Variants in FBXO38 observed in about 807,000 individuals in gnomAD.
FBXO38 encodes F-box protein 38, also known as F-box only protein 38.
In FBXO38, 53 loss-of-function variants were observed where a neutral mutation model predicts 131.9. The ratio of observed to expected loss-of-function variants is 0.40; its 90% CI spans 0.32 to 0.51. The LOEUF is 0.51. Among genes scored for constraint, FBXO38 ranks in the 20% least tolerant of loss-of-function variants. The pLI is 0.53. For missense variants in FBXO38, 1,076 were observed against 1,475.6 expected (o/e 0.73, Z 4.44); for synonymous variants, 452 against 505.6 (o/e 0.89, Z 1.42).
Position 148,417,050 on chromosome 5 carries a change from T to C in FBXO38, c.1464T>C (p.Leu488=). ...AGTGIGVSSA[L]VSNQNSNNDD... is the part of the protein sequence containing the mutation. ...CAGGAATTGGTGTTTCATCAGCTCT[T>C]GTTAGCAACCAGAACTCCAACAATG... Residue 488 remains leucine, a synonymous_variant, in exon 12 of 22, where the codon CTT becomes CTC. Coordinates refer to ENST00000340253, the MANE Select transcript of FBXO38 (RefSeq NM_205836.3). The C allele has an allele frequency of 6.2e-7, 1 of 1,613,894 alleles. No homozygotes were observed. The highest frequency in any genetic ancestry group is 8.5e-7 in the Non-Finnish European group (1 of 1,179,828).
chr5:148,396,424 GGGT>G (rs536965181), intron 2 of FBXO38, among the ~76,000 whole-genome samples: 107 of 152,212 alleles, frequency 7.0e-4, no homozygotes, highest in African/African-American at 2.5e-3. Flanking sequence ...AGGAAAAGTT[GGGT>G]GGACTATTCA....
At chr5:148,386,838 A>T (rs1429165740) in intron 1 of FBXO38, among the ~76,000 whole-genome samples, 1 of 152,246 alleles carries the variant, frequency 6.6e-6, no homozygotes, top group Admixed American at 6.5e-5. Flanking sequence ...ACAATGTAGT[A>T]TAATCTATCA....
intron 1 of FBXO38, among the ~76,000 whole-genome samples, chr5:148,390,350 A>G (rs548507093): frequency 6.6e-6 from 1 of 152,314 alleles, no homozygotes; most frequent in African/African-American, 2.4e-5. Flanking sequence ...TCTCCAGGCT[A>G]TAAGTCCTGT....
chr5:148,433,894 T>G (rs917162352), intron 17 of FBXO38, 157 bp downstream of exon 17: 2 of 480,866 alleles, frequency 4.2e-6, no homozygotes, highest in Non-Finnish European at 7.5e-6. Flanking sequence ...TCTCAAATTA[T>G]TACTCCATAG....
At chr5:148,410,084 A>G (rs953472124) in intron 8 of FBXO38, among the ~76,000 whole-genome samples, 1 of 152,202 alleles carries the variant, frequency 6.6e-6, no homozygotes, top group Admixed American at 6.5e-5. Flanking sequence ...ACTCCTTTGA[A>G]GAAAATATTT....
At chr5:148,410,840 T>C in intron 9 of FBXO38, 75 bp downstream of exon 9, 1 of 1,399,604 alleles carries the variant, frequency 7.1e-7, no homozygotes, top group Non-Finnish European at 9.8e-7. Flanking sequence ...TGAATTGGGT[T>C]GTGCCATGTC....
intron 1 of FBXO38, among the ~76,000 whole-genome samples, chr5:148,385,617 G>C (rs1757872964): frequency 6.6e-6 from 1 of 152,076 alleles, no homozygotes; most frequent in Admixed American, 6.5e-5. Flanking sequence ...TCCTGTTGGG[G>C]GGTTTTTGTT....
At chr5:148,398,736 A>G (rs761987521) in intron 2 of FBXO38, among the ~76,000 whole-genome samples, 21 of 147,124 alleles carry the variant, frequency 1.4e-4, no homozygotes, top group Non-Finnish European at 2.5e-4. Flanking sequence ...TTCTTTGTCC[A>G]TGAAAACTCA....
chr5:148,438,896 AACT>A (rs1754507605), intron 18 of FBXO38, among the ~76,000 whole-genome samples: 1 of 152,212 alleles, frequency 6.6e-6, no homozygotes, highest in Non-Finnish European at 1.5e-5. Context: ...GCCATCATAT[AACT>A]ACTGTTAGTG....
At chr5:148,421,609 AAGTT>A (rs34707748) in intron 12 of FBXO38, among the ~76,000 whole-genome samples, 41,015 of 151,850 alleles carry the variant, frequency 0.27, 5,560 homozygotes, top group African/African-American at 0.3. Context: ...ATTTGATTCT[AAGTT>A]AGCATACATA....
At chr5:148,409,250 T>A (rs1365426244) in intron 8 of FBXO38, 33 bp downstream of exon 8, 1 of 1,332,496 alleles carries the variant, frequency 7.5e-7, no homozygotes, top group South Asian at 1.2e-5. Context: ...GTCTCTCACT[T>A]TAGAAGTAAT....
At chr5:148,385,457 G>A (rs1581210212) in intron 1 of FBXO38, among the ~76,000 whole-genome samples, 1 of 152,282 alleles carries the variant, frequency 6.6e-6, no homozygotes, top group East Asian at 1.9e-4. Context: ...AAATTAAAAA[G>A]GAGTTGAAGA....
intron 19 of FBXO38, chr5:148,440,212 T>C: frequency 2.0e-6 from 1 of 501,878 alleles, no homozygotes; most frequent in Non-Finnish European, 3.6e-6. Flanking sequence ...CTTTCCCTGA[T>C]ATGATTTTGA....
At chr5:148,386,161 A>C (rs1455805459) in intron 1 of FBXO38, among the ~76,000 whole-genome samples, 2 of 152,172 alleles carry the variant, frequency 1.3e-5, no homozygotes, top group African/African-American at 4.8e-5. Flanking sequence ...TAATTGGTGA[A>C]GGTAGGGTGT....
intron 7 of FBXO38, among the ~76,000 whole-genome samples, chr5:148,407,314 A>G (rs949504463): frequency 2.6e-5 from 4 of 152,206 alleles, no homozygotes; most frequent in South Asian, 2.1e-4. Flanking sequence ...CTGAGTTTGT[A>G]TAAAGGTCCT....
intron 1 of FBXO38, 66 bp from the exon 2 acceptor site, chr5:148,394,648 T>G (rs1215663440): frequency 1.1e-5 from 7 of 654,700 alleles, no homozygotes; most frequent in Non-Finnish European, 1.6e-5. Flanking sequence ...AAAATAAACA[T>G]TGTTTAACCT....
At chr5:148,403,429 G>A (rs1415660894) in intron 5 of FBXO38, among the ~76,000 whole-genome samples, 1 of 151,372 alleles carries the variant, frequency 6.6e-6, no homozygotes, top group African/African-American at 2.4e-5. Context: ...TGGGCCTGGG[G>A]TATACTGTCT....
intron 15 of FBXO38, among the ~76,000 whole-genome samples, chr5:148,432,358 A>G (rs1415727928): frequency 6.6e-6 from 1 of 152,230 alleles, no homozygotes; most frequent in Non-Finnish European, 1.5e-5. Flanking sequence ...GCTTCAGAAC[A>G]ATACTAGTAA....
intron 1 of FBXO38, chr5:148,389,723 G>A (rs1257604431): frequency 6.6e-6 from 1 of 152,154 alleles, no homozygotes; most frequent in East Asian, 1.9e-4. Context: ...ATAAGAGAAA[G>A]GGTGCACATT....
Sources: allele counts gnomAD v4.1 joint callset (sites outside exome capture counted in the v4.1 genomes callset), GRCh38; gene constraint gnomAD v4.1.1; transcripts MANE v1.5; gene names NCBI Gene and HGNC (gene_info 2026-07-23, HGNC 2026-07-21).